Variants in PTPRT observed in about 807,000 individuals in gnomAD.
PTPRT encodes protein tyrosine phosphatase receptor type T, also known as receptor-type tyrosine-protein phosphatase T.
PTPRT carries 56 observed loss-of-function variants against 176.8 expected under a neutral mutation model. The observed-to-expected ratio is 0.32, with a 90% CI of 0.26 to 0.40. PTPRT has a LOEUF of 0.40. PTPRT is among the 10% of genes least tolerant of loss of function. PTPRT has a pLI of 1.00. For synonymous variants in PTPRT, 783 were observed against 739.0 expected (o/e 1.06, Z -0.96); for missense variants, 1,540 against 1,908.2 (o/e 0.81, Z 3.60).
At chr20:42,657,952 G>C (rs1600561334) in intron 7 of PTPRT, among the ~76,000 whole-genome samples, 1 of 144,432 alleles carries the variant, frequency 6.9e-6, no homozygotes, top group African/African-American at 2.6e-5. Context: ...CTTTTCTTAA[G>C]AAAAGTACCT....
chr20:42,985,716 G>A (rs187559081), intron 1 of PTPRT, among the ~76,000 whole-genome samples: 17 of 152,268 alleles, frequency 1.1e-4, no homozygotes, highest in Admixed American at 9.8e-4. Context: ...TAGATCAGAG[G>A]TAAAGGGGAG....
At chr20:42,942,211 C>T (rs931710896) in intron 1 of PTPRT, among the ~76,000 whole-genome samples, 1 of 152,278 alleles carries the variant, frequency 6.6e-6, no homozygotes, top group Non-Finnish European at 1.5e-5. Context: ...CAAAGACATC[C>T]TGAAAATAGT....
chr20:42,862,433 T>C (rs1024564752), intron 2 of PTPRT, among the ~76,000 whole-genome samples: 1 of 152,190 alleles, frequency 6.6e-6, no homozygotes, highest in Non-Finnish European at 1.5e-5. Context: ...CTCTGGTGCC[T>C]GCTCCAGGAA....
chr20:42,178,903 A>G (rs188145707), intron 16 of PTPRT, among the ~76,000 whole-genome samples: 113 of 152,316 alleles, frequency 7.4e-4, no homozygotes, highest in East Asian at 5.6e-3. Context: ...TTCCCAAGGA[A>G]CAGACAAGTG....
intron 16 of PTPRT, among the ~76,000 whole-genome samples, chr20:42,181,877 AG>A (rs1373893319): frequency 6.6e-6 from 1 of 151,966 alleles, no homozygotes; most frequent in African/African-American, 2.4e-5. Context: ...ACATGCTAAG[AG>A]GGACTAGAAT....
intron 7 of PTPRT, among the ~76,000 whole-genome samples, chr20:42,643,744 G>A (rs1009881644): frequency 2.0e-5 from 3 of 152,084 alleles, no homozygotes; most frequent in African/African-American, 7.3e-5. Context: ...CAACCACTAT[G>A]CATTGCTTTG....
intron 1 of PTPRT, among the ~76,000 whole-genome samples, chr20:42,994,863 C>A (rs1421649692): frequency 6.6e-6 from 1 of 152,206 alleles, no homozygotes; most frequent in African/African-American, 2.4e-5. Context: ...TTGGCAGAGA[C>A]AGCCTCTGAA....
intron 16 of PTPRT, among the ~76,000 whole-genome samples, chr20:42,189,787 G>A (rs1430262173): frequency 6.6e-6 from 1 of 152,188 alleles, no homozygotes; most frequent in Non-Finnish European, 1.5e-5. Flanking sequence ...CAACTCAAAT[G>A]TTCATTTTTA....
rs143406929 is a variant in PTPRT, at chr20:43,045,455, AT to A, written c.88+144190del. Among the ~76,000 whole-genome samples the A allele has an allele frequency of 6.9e-3, 881 of 127,150 alleles. 4 individuals carry two copies. Among genetic ancestry groups the A allele is most frequent in the East Asian group, 0.013 (60 of 4,468 alleles). The allele number at this position is 127,150 out of a possible 152,430, so 83.4% of individuals were successfully genotyped here. A position where few individuals can be genotyped will look rare whatever the true frequency, so the allele number is the denominator to read the frequency against. On this transcript the variant is annotated intron_variant, in intron 1 of 30. Transcript: ENST00000373187. ...TAACTTTTTTCTTTTTCTTTTTTTC[AT>A]TTTTTTTTTTTTTTTGAGTCACAGT...
At chr20:43,099,346 A>C (rs946327145) in intron 1 of PTPRT, among the ~76,000 whole-genome samples, 2 of 152,138 alleles carry the variant, frequency 1.3e-5, no homozygotes, top group Non-Finnish European at 2.9e-5. Context: ...TTAGCCACAG[A>C]TCAAAGAAGC....
intron 15 of PTPRT, among the ~76,000 whole-genome samples, chr20:42,227,600 GTTTTTTTTTTTTTTT>G (rs10854224): frequency 1.5e-3 from 93 of 61,898 alleles, no homozygotes; most frequent in African/African-American, 5.9e-3. Flanking sequence ...GTCCCTCATT[GTTTTTTTTTTTTTTT>G]TTTTTTTTTT....
chr20:42,812,648 C>A (rs1372429172), intron 2 of PTPRT, among the ~76,000 whole-genome samples: 1 of 151,970 alleles, frequency 6.6e-6, no homozygotes, highest in Non-Finnish European at 1.5e-5. Context: ...TATCCAGAGG[C>A]AAAATAGCAT....
chr20:42,911,590 A>G (rs548902770), intron 1 of PTPRT, among the ~76,000 whole-genome samples: 1 of 152,262 alleles, frequency 6.6e-6, no homozygotes, highest in South Asian at 2.1e-4. Context: ...ATATTTATTT[A>G]TATATAAATC....
intron 2 of PTPRT, among the ~76,000 whole-genome samples, chr20:42,825,998 C>A (rs577869975): frequency 6.6e-6 from 1 of 152,184 alleles, no homozygotes; most frequent in African/African-American, 2.4e-5. Context: ...CAACCACCCA[C>A]AAAACCCCCT....
chr20:43,042,975 T>G (rs992546084), intron 1 of PTPRT, among the ~76,000 whole-genome samples: 4 of 152,162 alleles, frequency 2.6e-5, no homozygotes, highest in African/African-American at 9.7e-5. Flanking sequence ...CCAAGTATCC[T>G]ATTGCCCGGT....
At chr20:43,011,598 A>G (rs1431887527) in intron 1 of PTPRT, among the ~76,000 whole-genome samples, 2 of 152,202 alleles carry the variant, frequency 1.3e-5, no homozygotes, top group Non-Finnish European at 2.9e-5. Context: ...AAATGAGAGG[A>G]AGCTGGCAGG....
At chr20:42,595,985 A>G (rs2073663943) in intron 7 of PTPRT, among the ~76,000 whole-genome samples, 1 of 152,184 alleles carries the variant, frequency 6.6e-6, no homozygotes, top group Non-Finnish European at 1.5e-5. Flanking sequence ...GGGGGCTTCA[A>G]ATAAACTACA....
At chr20:42,484,189 C>T (rs1419759427) in intron 7 of PTPRT, among the ~76,000 whole-genome samples, 1 of 152,148 alleles carries the variant, frequency 6.6e-6, no homozygotes, top group Non-Finnish European at 1.5e-5. Flanking sequence ...GTTCACAGTG[C>T]CCTTGGTGTT....
intron 9 of PTPRT, among the ~76,000 whole-genome samples, chr20:42,416,590 A>C (rs2059068402): frequency 6.6e-6 from 1 of 152,152 alleles, no homozygotes; most frequent in East Asian, 1.9e-4. Context: ...AATTGTTTGC[A>C]ACCTGGCCCT....
Sources: allele counts gnomAD v4.1 joint callset (sites outside exome capture counted in the v4.1 genomes callset), GRCh38; gene constraint gnomAD v4.1.1; transcripts MANE v1.5; gene names NCBI Gene and HGNC (gene_info 2026-07-23, HGNC 2026-07-21).